The following ABCA13 variants were observed in gnomAD, a reference collection of about 807,000 sequenced individuals.
The protein encoded by ABCA13 is ATP binding cassette subfamily A member 13.
Under a neutral mutation model 478.7 loss-of-function variants are expected in ABCA13, and 476 were observed. The observed-to-expected ratio is 0.99, with a 90% CI of 0.92 to 1.07. The LOEUF (loss-of-function observed/expected upper bound fraction) is 1.07, where lower values mean the gene tolerates loss of function less well. Among genes scored for constraint, ABCA13 ranks in the 50% least tolerant of loss-of-function variants. The pLI is 0.00. For missense variants in ABCA13, 6,060 were observed against 5,910.6 expected (o/e 1.03, Z -0.83); for synonymous variants, 2,252 against 2,158.9 (o/e 1.04, Z -1.20).
intron 29 of ABCA13, among the ~76,000 whole-genome samples, chr7:48,342,419 G>C (rs1016374477): frequency 2.6e-5 from 4 of 152,070 alleles, no homozygotes; most frequent in Non-Finnish European, 5.9e-5. Flanking sequence ...CTTTAAGGCT[G>C]TATTGTATTT....
Position 48,643,340 on chromosome 7 carries a change from C to A in ABCA13, c.14890C>A (p.His4964Asn). ...TTGGCTCTGTAAGGAAGCAAATCAA[C>A]ATTGCACTGTTTCTGACCACTTGAA... ...KVWLCKEANQ[H>N]CTVSDHLKLY... The change falls in exon 60 of 62, where the codon CAT becomes AAT. Residue 4964 changes from histidine to asparagine, a missense_variant. Physicochemically the swap from His to Asn is moderately conservative, Grantham distance 68. Coordinates refer to ENST00000435803, the MANE Select transcript of ABCA13 (RefSeq NM_152701.5). The A allele has an allele frequency of 6.2e-7, 1 of 1,613,686 alleles. No homozygotes were observed. The highest frequency in any genetic ancestry group is 8.5e-7 in the Non-Finnish European group (1 of 1,179,732).
intron 13 of ABCA13, 76 bp downstream of exon 13, chr7:48,246,106 C>A: frequency 6.8e-7 from 1 of 1,464,450 alleles, no homozygotes; most frequent in Non-Finnish European, 9.2e-7. Flanking sequence ...TAATATTTAA[C>A]CTGGAGTTTC....
At chr7:48,571,396 T>G (rs78619008) in intron 55 of ABCA13, among the ~76,000 whole-genome samples, 4,205 of 152,280 alleles carry the variant, frequency 0.028, 79 homozygotes, top group East Asian at 0.079. Context: ...CAGTTTTTGT[T>G]GAGCTGTGAA....
intron 25 of ABCA13, 46 bp downstream of exon 25, chr7:48,313,277 CT>C: frequency 6.5e-7 from 1 of 1,548,502 alleles, no homozygotes; most frequent in African/African-American, 1.4e-5. Context: ...AAATTTGCCC[CT>C]TCTTTGTATT....
In ABCA13 at chr7:48,436,230, T is replaced by C. The variant is rs370386179; in HGVS notation, c.12565+8359T>C. Among the ~76,000 whole-genome samples, 127 of 151,890 alleles carry C rather than the reference T, an allele frequency of 8.4e-4. 1 individual carries two copies. The highest frequency in any genetic ancestry group is 3.0e-3 in the African/African-American group (124 of 41,554). On this transcript the variant is annotated intron_variant, in intron 42 of 61. Coordinates refer to ENST00000435803, the MANE Select transcript of ABCA13 (RefSeq NM_152701.5). The stretch of plus-strand genomic sequence containing the variant: ...ACTAGTTATAGGTTTACTCAGATTT[T>C]CAATTGCTTTTTGATTCAGTCTTAA...
chr7:48,295,159 G>T (rs564493381), intron 20 of ABCA13, among the ~76,000 whole-genome samples: 1 of 152,222 alleles, frequency 6.6e-6, no homozygotes, highest in African/African-American at 2.4e-5. Context: ...AGGGCACAAG[G>T]TTTCCCTATC....
intron 35 of ABCA13, among the ~76,000 whole-genome samples, chr7:48,379,981 A>G (rs558106886): frequency 7.5e-4 from 114 of 152,304 alleles, no homozygotes; most frequent in Middle Eastern, 3.4e-3. Flanking sequence ...TTGGAGATCT[A>G]TTCTTTAGTA....
chr7:48,234,701 G>A (rs2129000928), intron 8 of ABCA13, among the ~76,000 whole-genome samples: 1 of 152,308 alleles, frequency 6.6e-6, no homozygotes, highest in South Asian at 2.1e-4. Context: ...GGTTCTGGGA[G>A]ATATCTTTTA....
intron 55 of ABCA13, among the ~76,000 whole-genome samples, chr7:48,531,070 A>G (rs1021403663): frequency 1.1e-4 from 16 of 152,132 alleles, no homozygotes; most frequent in African/African-American, 3.6e-4. Flanking sequence ...GCCTAAGCCA[A>G]TGTTTAGAGG....
intron 55 of ABCA13, among the ~76,000 whole-genome samples, chr7:48,575,221 AAT>A (rs1788048779): frequency 6.6e-6 from 1 of 152,156 alleles, no homozygotes; most frequent in Non-Finnish European, 1.5e-5. Flanking sequence ...ACACCAGAAT[AAT>A]TATGGTACAA....
At chr7:48,440,914 C>T (rs12668428) in intron 42 of ABCA13, among the ~76,000 whole-genome samples, 1 of 151,662 alleles carries the variant, frequency 6.6e-6, no homozygotes, top group Non-Finnish European at 1.5e-5. Flanking sequence ...AGAAAGAAAA[C>T]TTATGTTTTT....
intron 45 of ABCA13, among the ~76,000 whole-genome samples, chr7:48,472,993 C>T (rs112367755): frequency 0.12 from 17,684 of 152,150 alleles, 1,261 homozygotes; most frequent in Admixed American, 0.16. Flanking sequence ...GCCTCACAAT[C>T]ATGGTGGAAG....
chr7:48,555,695 G>A (rs1289693790), intron 55 of ABCA13, among the ~76,000 whole-genome samples: 2 of 151,244 alleles, frequency 1.3e-5, no homozygotes, highest in Non-Finnish European at 3.0e-5. Flanking sequence ...TATTTATTTA[G>A]GTTTTCCCTC....
intron 1 of ABCA13, among the ~76,000 whole-genome samples, chr7:48,174,149 TATGAAAGTGAGGTGTTGGC>T (rs1794528933): frequency 1.3e-5 from 2 of 152,240 alleles, no homozygotes; most frequent in South Asian, 4.1e-4. Context: ...GTTTTTGAAC[TATGAAAGTGAGGTGTTGGC>T]ATGAACTGTG....
chr7:48,481,051 A>C lies in ABCA13; in HGVS notation c.12991A>C (p.Ser4331Arg). 1.9e-6 allele frequency: 3 copies of C among 1,595,420 alleles called. No individual in the cohort carries two copies. The highest frequency in any genetic ancestry group is 2.6e-6 in the Non-Finnish European group (3 of 1,170,240). Residue 4331 changes from serine to arginine, a missense_variant, in exon 46 of 62, where the codon AGT (serine) becomes CGT (arginine). By Grantham distance (110) the Ser-to-Arg change is moderately radical. Around this residue, in one of 3 missense-constraint regions of ABCA13, gnomAD observed 1,627 missense variants for 1,571.0 expected, o/e 1.04. Transcript: ENST00000435803. Reference protein sequence around the residue: ...SCGCLKCPNRSASAPYLTNHL... With the variant: ...SCGCLKCPNRRASAPYLTNHL... The stretch of plus-strand genomic sequence containing the variant: ...ACAATTTCAGAAGTGTCCAAATAGA[A>C]GTGCTAGTGCTCCCTACCTGACCAA...
rs1309650353 is a variant in ABCA13 at position 48,263,596 on chromosome 7, C to T, written c.2006-5384C>T. On this transcript the variant is annotated intron_variant, in intron 15 of 61. Transcript: ENST00000435803. The stretch of plus-strand genomic sequence containing the variant: ...AATGATGTTTCTAAAATGCTTAGCA[C>T]AGTATCGTAGGCACATGCAATTAAT... Among the ~76,000 whole-genome samples the T allele has an allele frequency of 6.6e-5, 10 of 152,010 alleles. No homozygotes were observed. In the East Asian group the frequency reaches 1.9e-3, roughly 29 times the overall value.
intron 38 of ABCA13, among the ~76,000 whole-genome samples, chr7:48,397,790 A>T (rs1391531906): frequency 6.6e-6 from 1 of 152,228 alleles, no homozygotes; most frequent in Non-Finnish European, 1.5e-5. Flanking sequence ...TGACACTGTG[A>T]GGGCCATGTG....
At chr7:48,540,909 G>GT (rs1309675594) in intron 55 of ABCA13, among the ~76,000 whole-genome samples, 3 of 151,822 alleles carry the variant, frequency 2.0e-5, no homozygotes, top group Non-Finnish European at 2.9e-5. Context: ...TCCTACTATC[G>GT]TAACTCTCAA....
At chr7:48,183,805 A>T (rs747438871) in intron 1 of ABCA13, among the ~76,000 whole-genome samples, 17 of 152,160 alleles carry the variant, frequency 1.1e-4, no homozygotes, top group Non-Finnish European at 2.2e-4. Context: ...CTATTCTCCC[A>T]TTGACGGGGT....
Sources: gnomAD v4.1 joint callset for allele counts (sites outside exome capture counted in the v4.1 genomes callset) on GRCh38, gnomAD v4.1.1 for gene constraint, gnomAD v4.1.1 regional missense constraint, MANE v1.5 for transcripts, NCBI Gene and HGNC (gene_info 2026-07-23, HGNC 2026-07-21) for gene names.